The following TAFA2 variants were observed in gnomAD, a reference collection of about 807,000 sequenced individuals.
The protein encoded by TAFA2 is chemokine-like protein TAFA-2.
A neutral mutation model predicts 18.8 loss-of-function variants in TAFA2; 7 were observed. That is an observed-to-expected ratio of 0.37 (90% CI 0.21 to 0.70). The LOEUF is 0.70. Among genes scored for constraint, TAFA2 ranks in the 30% least tolerant of loss-of-function variants. TAFA2 has a pLI of 0.53. For synonymous variants in TAFA2, 60 were observed against 54.2 expected (o/e 1.11, Z -0.47); for missense variants, 122 against 158.1 (o/e 0.77, Z 1.23).
rs1476013840 is a variant in TAFA2, at chr12:62,138,730, C to T, written c.-2+52529G>A. Among the ~76,000 whole-genome samples, 4 of 152,268 alleles carry T rather than the reference C, an allele frequency of 2.6e-5. No individual in the cohort carries two copies. The South Asian group carries it at 6.2e-4, about 24-fold the overall frequency. On this transcript the variant is annotated intron_variant, in intron 1 of 4. Transcript: ENST00000416284. ...CTGTGAGTGTGTGCACAGTCCCCAG[C>T]AAAGTTTGGCCTCCCCTGGTACAAC... is the stretch of plus-strand genomic sequence containing the variant.
upstream of TAFA2, among the ~76,000 whole-genome samples, chr12:62,195,009 C>T (rs887389094): frequency 1.1e-3 from 166 of 152,240 alleles, 2 homozygotes; most frequent in Non-Finnish European, 2.9e-4. Context: ...AATCTCTTTG[C>T]TGATGGAGAG....
chr12:61,855,400 C>G (rs1220105327), intron 2 of TAFA2, among the ~76,000 whole-genome samples: 3 of 152,138 alleles, frequency 2.0e-5, no homozygotes, highest in African/African-American at 7.2e-5. Flanking sequence ...ACTGTAGCCA[C>G]CCTGTTTCAT....
chr12:61,970,062 G>A (rs1286970250), intron 1 of TAFA2, among the ~76,000 whole-genome samples: 1 of 151,562 alleles, frequency 6.6e-6, no homozygotes, highest in East Asian at 1.9e-4. Context: ...TTTCAACTCT[G>A]AGGATATTTT....
rs199571656 is a variant in TAFA2 at position 61,941,791 on chromosome 12, C to T, written c.-1-74365G>A. 3.7e-4 allele frequency among the ~76,000 whole-genome samples: 57 copies of T among 152,286 alleles called. No individual in the cohort carries two copies. In the East Asian group the frequency reaches 5.4e-3, roughly 14 times the overall value. ...ACGAGACTATATCCCACACCTGGCT[C>T]GGAGGGTCCTATGCCCACGGAATCT... is the stretch of plus-strand genomic sequence containing the variant. On this transcript the variant is annotated intron_variant, in intron 1 of 4. Coordinates refer to ENST00000416284, the MANE Select transcript of TAFA2 (RefSeq NM_178539.5).
intron 1 of TAFA2, among the ~76,000 whole-genome samples, chr12:61,925,989 A>G (rs1336237378): frequency 6.6e-6 from 1 of 152,210 alleles, no homozygotes; most frequent in Non-Finnish European, 1.5e-5. Context: ...GAAGAATCAA[A>G]TAGACACAAT....
chr12:61,952,823 C>T (rs1281288874), intron 1 of TAFA2, among the ~76,000 whole-genome samples: 7 of 151,924 alleles, frequency 4.6e-5, no homozygotes, highest in Admixed American at 2.0e-4. Context: ...TAATTAAATA[C>T]GTGATTATAT....
rs73310274 is a variant in TAFA2, at chr12:61,934,407, C to T, written c.-1-66981G>A. Among the ~76,000 whole-genome samples the T allele has an allele frequency of 2.6e-3, 400 of 152,300 alleles. 1 individual carries two copies. The highest frequency in any genetic ancestry group is 9.1e-3 in the African/African-American group (378 of 41,558). On this transcript the variant is annotated intron_variant, in intron 1 of 4. Transcript: ENST00000416284. ...GGGAAATAAAGCCTAATCTTCACCA[C>T]CAGTAATGACACAAATTAAAGTTAA...
chr12:62,016,887 T>G (rs1332164625), intron 1 of TAFA2, among the ~76,000 whole-genome samples: 6 of 152,188 alleles, frequency 3.9e-5, no homozygotes, highest in African/African-American at 1.4e-4. Flanking sequence ...GACTAATTAT[T>G]TCTGCCATAC....
At chr12:61,819,355 T>C (rs960965768) in intron 2 of TAFA2, among the ~76,000 whole-genome samples, 2 of 152,224 alleles carry the variant, frequency 1.3e-5, no homozygotes, top group African/African-American at 2.4e-5. Flanking sequence ...AAGCAGTTCA[T>C]AGCATGCACT....
intron 2 of TAFA2, among the ~76,000 whole-genome samples, chr12:61,767,600 T>C (rs1181243041): frequency 6.6e-6 from 1 of 152,004 alleles, no homozygotes; most frequent in Non-Finnish European, 1.5e-5. Flanking sequence ...TCCAACAAAA[T>C]CTTTTCTCAC....
intron 2 of TAFA2, among the ~76,000 whole-genome samples, chr12:61,756,139 T>C (rs1869256468): frequency 6.6e-6 from 1 of 152,050 alleles, no homozygotes; most frequent in Non-Finnish European, 1.5e-5. Context: ...TCAGGCTAAG[T>C]AGTTCGCTCA....
Position 62,035,733 on chromosome 12 carries a change from C to CTTTTTTTTTTTTTTTTTTTT in TAFA2, c.-2+155506_-2+155525dup, listed in dbSNP as rs34859628. On this transcript the variant is annotated intron_variant, in intron 1 of 4. Coordinates refer to ENST00000416284, the MANE Select transcript of TAFA2 (RefSeq NM_178539.5). The stretch of plus-strand genomic sequence containing the variant: ...TGACGCTAGGGGTCAATGATTCTTT[C>CTTTTTTTTTTTTTTTTTTTT]TTTTTTTTTTTTTTTTTTTTTTTTT... 8.3e-5 allele frequency among the ~76,000 whole-genome samples: 5 copies of CTTTTTTTTTTTTTTTTTTTT among 60,228 alleles called. 2 individuals carry two copies. Among genetic ancestry groups the CTTTTTTTTTTTTTTTTTTTT allele is most frequent in the African/African-American group, 3.8e-4 (5 of 13,236 alleles). 39.5% of individuals were successfully genotyped at this position (60,228 alleles called of 152,430 possible).
chr12:61,906,098 A>T (rs1876338020), intron 1 of TAFA2, among the ~76,000 whole-genome samples: 1 of 152,232 alleles, frequency 6.6e-6, no homozygotes, highest in Non-Finnish European at 1.5e-5. Flanking sequence ...CCAAATATTG[A>T]ATCTTCATTA....
chr12:62,156,135 G>A (rs1037487790), intron 1 of TAFA2, among the ~76,000 whole-genome samples: 1 of 152,082 alleles, frequency 6.6e-6, no homozygotes. Context: ...GTGGGCTAAG[G>A]ACATGAATAG....
At chr12:61,922,632 C>T (rs992756103) in intron 1 of TAFA2, among the ~76,000 whole-genome samples, 7 of 152,180 alleles carry the variant, frequency 4.6e-5, no homozygotes, top group Non-Finnish European at 8.8e-5. Flanking sequence ...GGTGCCAACA[C>T]CACCAGGGCC....
At chr12:61,823,722 A>G (rs1054110183) in intron 2 of TAFA2, among the ~76,000 whole-genome samples, 2 of 152,038 alleles carry the variant, frequency 1.3e-5, no homozygotes, top group Admixed American at 6.6e-5. Context: ...CAAACCCACC[A>G]TGTTCTTTAA....
intron 1 of TAFA2, among the ~76,000 whole-genome samples, chr12:62,155,970 T>C (rs958138107): frequency 1.3e-5 from 2 of 152,194 alleles, no homozygotes; most frequent in African/African-American, 4.8e-5. Flanking sequence ...GAAGAGCTTT[T>C]GCATGCCAAA....
intron 4 of TAFA2, among the ~76,000 whole-genome samples, chr12:61,714,310 T>A (rs1334422260): frequency 6.6e-6 from 1 of 152,216 alleles, no homozygotes; most frequent in Non-Finnish European, 1.5e-5. Context: ...TATTTGTGTG[T>A]GCTGCACACC....
chr12:61,792,326 T>C lies in TAFA2; in HGVS notation c.107-37302A>G, dbSNP rs1032993841. Among the ~76,000 whole-genome samples the C allele has an allele frequency of 4.0e-5, 6 of 151,700 alleles. No individual in the cohort carries two copies. The East Asian group carries it at 5.8e-4, about 15-fold the overall frequency. On this transcript the variant is annotated intron_variant, in intron 2 of 4. Transcript: ENST00000416284. ...AGGAAAAATAAGCCCTGGTGTTTTA[T>C]TGCACAGTAGATTGACTACAGTTAA... is the stretch of plus-strand genomic sequence containing the variant.
Sources: allele counts gnomAD v4.1 joint callset (sites outside exome capture counted in the v4.1 genomes callset), GRCh38; gene constraint gnomAD v4.1.1; transcripts MANE v1.5; gene names NCBI Gene and HGNC (gene_info 2026-07-23, HGNC 2026-07-21).